Variants in PARD3B observed in about 807,000 individuals in gnomAD.
The protein encoded by PARD3B is partitioning defective 3 homolog B.
A neutral mutation model predicts 130.2 loss-of-function variants in PARD3B; 103 were observed. That is an observed-to-expected ratio of 0.79 (90% CI 0.67 to 0.93). The LOEUF (loss-of-function observed/expected upper bound fraction) is 0.93. Ranked by LOEUF, PARD3B falls within the 40% of genes least tolerant of loss-of-function variation. The pLI, the probability that PARD3B is intolerant of heterozygous loss-of-function variation, is 0.00. For missense variants in PARD3B, 1,609 were observed against 1,499.2 expected (o/e 1.07, Z -1.21); for synonymous variants, 583 against 553.2 (o/e 1.05, Z -0.76).
chr2:205,092,416 T>C (rs563931599), intron 4 of PARD3B, among the ~76,000 whole-genome samples: 2 of 152,274 alleles, frequency 1.3e-5, no homozygotes, highest in East Asian at 3.9e-4. Context: ...TATTGTCATT[T>C]ACATCAAGGT....
chr2:205,206,214 T>C (rs1574386269), intron 15 of PARD3B, among the ~76,000 whole-genome samples: 3 of 141,398 alleles, frequency 2.1e-5, no homozygotes, highest in African/African-American at 5.2e-5. Flanking sequence ...CTTTTTTTTT[T>C]TCTTTTTTTT....
intron 2 of PARD3B, among the ~76,000 whole-genome samples, chr2:204,911,072 A>T (rs2047218239): frequency 1.3e-5 from 2 of 152,222 alleles, no homozygotes; most frequent in African/African-American, 4.8e-5. Context: ...ACTTTATTTT[A>T]TGATGTTTGT....
intron 2 of PARD3B, among the ~76,000 whole-genome samples, chr2:204,869,006 T>C (rs1341760058): frequency 6.6e-6 from 1 of 152,170 alleles, no homozygotes; most frequent in Non-Finnish European, 1.5e-5. Context: ...AAAGGTAAAA[T>C]GAGATATTCC....
chr2:205,503,884 C>T (rs1292328308), intron 21 of PARD3B, among the ~76,000 whole-genome samples: 1 of 151,076 alleles, frequency 6.6e-6, no homozygotes, highest in African/African-American at 2.4e-5. Flanking sequence ...TGAAGAGGTC[C>T]TTCACATCTC....
At chr2:204,784,524 T>C (rs946484907) in intron 2 of PARD3B, among the ~76,000 whole-genome samples, 2 of 152,186 alleles carry the variant, frequency 1.3e-5, no homozygotes, top group Non-Finnish European at 2.9e-5. Flanking sequence ...TAAGCATTCA[T>C]GTGGTGTGTT....
At chr2:205,344,016 C>T (rs2043648736) in intron 18 of PARD3B, among the ~76,000 whole-genome samples, 1 of 152,042 alleles carries the variant, frequency 6.6e-6, no homozygotes, top group Non-Finnish European at 1.5e-5. Flanking sequence ...AGGCTATTTT[C>T]TTAGTGACAG....
intron 2 of PARD3B, among the ~76,000 whole-genome samples, chr2:204,735,517 A>C (rs1353510957): frequency 1.3e-5 from 2 of 152,188 alleles, no homozygotes; most frequent in Non-Finnish European, 2.9e-5. Context: ...TGGACTCTTC[A>C]AAAAGTTATG....
In PARD3B at chr2:204,610,310, A is replaced by G. The variant is rs2033875384; in HGVS notation, c.120+64191A>G. 6.6e-6 allele frequency among the ~76,000 whole-genome samples: 1 copy of G among 152,190 alleles called. No homozygotes were observed. Among genetic ancestry groups the G allele is most frequent in the Non-Finnish European group, 1.5e-5 (1 of 68,034 alleles). On this transcript the variant is annotated intron_variant, in intron 1 of 22. Transcript: ENST00000406610. The surrounding 1 kb of genome is among the most constrained non-coding windows in gnomAD (Gnocchi z 4.1). ...TGTTCTTCTTAATGTAATATGGCAA[A>G]TATTTACAATGATTTGTTAAGTAGT...
Position 205,288,583 on chromosome 2 carries a change from C to T in PARD3B, c.2186-11947C>T, listed in dbSNP as rs2041483535. ...CTAATTTGGGCCTTGCCTTCTTAGC[C>T]AGATTTCAAAGCCCTTCATGCCTTT... On this transcript the variant is annotated intron_variant, in intron 16 of 22. Transcript: ENST00000406610. This position sits in a 1 kb window ranked among gnomAD's most constrained non-coding sequence, Gnocchi z 4.0. Among the ~76,000 whole-genome samples, 1 of 152,138 alleles carries T rather than the reference C, an allele frequency of 6.6e-6. No homozygotes were observed. Among genetic ancestry groups the T allele is most frequent in the East Asian group, 1.9e-4 (1 of 5,198 alleles).
At chr2:204,682,149 GCC>G (rs1363819879) in intron 1 of PARD3B, among the ~76,000 whole-genome samples, 1 of 152,086 alleles carries the variant, frequency 6.6e-6, no homozygotes, top group Non-Finnish European at 1.5e-5. Flanking sequence ...TGCACCCGAG[GCC>G]CAGAATAATG....
At chr2:204,996,670 C>G (rs1185992574) in intron 3 of PARD3B, among the ~76,000 whole-genome samples, 4 of 149,896 alleles carry the variant, frequency 2.7e-5, no homozygotes, top group African/African-American at 9.8e-5. Flanking sequence ...GCGGGCGCCC[C>G]TCCCCCAGCC....
At chr2:205,583,566 T>C (rs959830938) in intron 22 of PARD3B, among the ~76,000 whole-genome samples, 28 of 152,358 alleles carry the variant, frequency 1.8e-4, no homozygotes, top group Admixed American at 1.5e-3. Flanking sequence ...GCATGTTATG[T>C]GTATTCACTC....
intron 3 of PARD3B, among the ~76,000 whole-genome samples, chr2:204,966,133 T>C (rs1211668301): frequency 6.6e-6 from 1 of 152,184 alleles, no homozygotes. Context: ...TTATTCTTTT[T>C]AAAGCAAAAC....
chr2:204,764,527 T>G, intron 2 of PARD3B, among the ~76,000 whole-genome samples: 1 of 152,142 alleles, frequency 6.6e-6, no homozygotes, highest in Non-Finnish European at 1.5e-5. Flanking sequence ...TGCCTGACCA[T>G]TTCCTTCCTC....
chr2:205,274,604 T>A lies in PARD3B; in HGVS notation c.2186-25926T>A, dbSNP rs1398862748. 6.6e-6 allele frequency among the ~76,000 whole-genome samples: 1 copy of A among 152,136 alleles called. No individual in the cohort carries two copies. Among genetic ancestry groups the A allele is most frequent in the Non-Finnish European group, 1.5e-5 (1 of 68,006 alleles). On this transcript the variant is annotated intron_variant, in intron 16 of 22. Coordinates refer to ENST00000406610, the MANE Select transcript of PARD3B (RefSeq NM_001302769.2). The surrounding 1 kb of genome is among the most constrained non-coding windows in gnomAD (Gnocchi z 4.2). The stretch of plus-strand genomic sequence containing the variant: ...TGGTATACTTTTACATTGATTTTTT[T>A]ATAAATCATTTCTACTTACTTTCTA...
chr2:205,042,041 T>C (rs1216035038), intron 3 of PARD3B, among the ~76,000 whole-genome samples: 1 of 152,098 alleles, frequency 6.6e-6, no homozygotes, highest in Admixed American at 6.6e-5. Flanking sequence ...CTTATAGAGG[T>C]AGCACCTTAC....
At chr2:205,487,545 A>T (rs2049493903) in intron 20 of PARD3B, among the ~76,000 whole-genome samples, 1 of 152,182 alleles carries the variant, frequency 6.6e-6, no homozygotes, top group Non-Finnish European at 1.5e-5. Context: ...GGTCCATTAA[A>T]ACTTACTTTC....
intron 2 of PARD3B, among the ~76,000 whole-genome samples, chr2:204,899,310 C>A (rs1234459309): frequency 6.9e-6 from 1 of 144,412 alleles, no homozygotes; most frequent in Non-Finnish European, 1.5e-5. Flanking sequence ...TCCTTGCTGT[C>A]TTCCTTTCAG....
chr2:204,914,720 C>CAG (rs1429901802), intron 2 of PARD3B, among the ~76,000 whole-genome samples: 3 of 152,068 alleles, frequency 2.0e-5, no homozygotes, highest in African/African-American at 7.2e-5. Flanking sequence ...AGCAGCTGTA[C>CAG]AGAGAGAGGG....
Sources: gnomAD v4.1 joint callset for allele counts (sites outside exome capture counted in the v4.1 genomes callset) on GRCh38, gnomAD v4.1.1 for gene constraint, Gnocchi (gnomAD v3.1) non-coding constraint, MANE v1.5 for transcripts, NCBI Gene and HGNC (gene_info 2026-07-23, HGNC 2026-07-21) for gene names.